The following TBC1D19 variants were observed in gnomAD, a reference collection of about 807,000 sequenced individuals.
TBC1D19 encodes the protein TBC1 domain family member 19, also known as TBC1 domain family, member 19.
A neutral mutation model predicts 89.0 loss-of-function variants in TBC1D19; 60 were observed. The observed-to-expected ratio is 0.67, with a 90% CI of 0.55 to 0.84. The LOEUF (loss-of-function observed/expected upper bound fraction) is 0.84. TBC1D19 is among the 40% of genes least tolerant of loss of function. The pLI is 0.00. For missense variants in TBC1D19, 500 were observed against 610.8 expected, an observed-to-expected ratio of 0.82 and a Z score of 1.91; for synonymous variants, 189 against 199.7, an observed-to-expected ratio of 0.95 and a Z score of 0.45.
At chr4:26,591,960 A>G (rs1414535204) in intron 1 of TBC1D19, among the ~76,000 whole-genome samples, 1 of 152,140 alleles carries the variant, frequency 6.6e-6, no homozygotes, top group Admixed American at 6.5e-5. Context: ...TCAATAGAAA[A>G]AGAGGGAATC....
At position 26,601,190 on chromosome 4, in the gene TBC1D19, CT is replaced by C. The variant is rs545807276; in HGVS notation, c.100-11978del. Reference sequence around the variant, plus strand: ...ACATATATAAGCAATAACTCTCCTTCTCCCCCACTCCCACCAACCTGTAGTA... The same window carrying C: ...ACATATATAAGCAATAACTCTCCTTCCCCCCACTCCCACCAACCTGTAGTA... On this transcript the variant is annotated intron_variant, in intron 1 of 20. Transcript: ENST00000264866. 2.2e-4 allele frequency among the ~76,000 whole-genome samples: 33 copies of C among 152,130 alleles called. 1 individual carries two copies. The East Asian group carries it at 4.4e-3, about 20-fold the overall frequency.
the TBC1D19 span, among the ~76,000 whole-genome samples, chr4:26,820,368 A>G: frequency 6.6e-6 from 1 of 152,142 alleles, no homozygotes; most frequent in Middle Eastern, 3.4e-3. Context: ...CCTGGACCCT[A>G]GCTTTTGGCA....
intron 1 of TBC1D19, among the ~76,000 whole-genome samples, chr4:26,610,216 C>CATA (rs1741276564): frequency 6.6e-6 from 1 of 151,668 alleles, no homozygotes; most frequent in Non-Finnish European, 1.5e-5. Context: ...CTTTTTAACC[C>CATA]ATAAGTATAT....
At chr4:26,838,457 G>A in the TBC1D19 span, among the ~76,000 whole-genome samples, 9 of 152,198 alleles carry the variant, frequency 5.9e-5, no homozygotes, top group East Asian at 1.3e-3. Context: ...CATGAAAAAC[G>A]GGAATAAAAG....
At chr4:26,819,801 C>A in the TBC1D19 span, among the ~76,000 whole-genome samples, 1 of 152,262 alleles carries the variant, frequency 6.6e-6, no homozygotes, top group East Asian at 1.9e-4. Flanking sequence ...TAGTCTCAGC[C>A]CTGGTCACCC....
chr4:26,592,926 T>C (rs1317942671), intron 1 of TBC1D19, among the ~76,000 whole-genome samples: 7 of 152,052 alleles, frequency 4.6e-5, no homozygotes, highest in Non-Finnish European at 1.0e-4. Context: ...AGGTAATTTA[T>C]AGATTCAATG....
At chr4:26,767,157 G>A in the TBC1D19 span, among the ~76,000 whole-genome samples, 1 of 152,106 alleles carries the variant, frequency 6.6e-6, no homozygotes, top group Non-Finnish European at 1.5e-5. Flanking sequence ...GTGACAGAGT[G>A]AGACTCTATT....
At chr4:26,594,195 A>G (rs1418096849) in intron 1 of TBC1D19, among the ~76,000 whole-genome samples, 1 of 152,186 alleles carries the variant, frequency 6.6e-6, no homozygotes, top group East Asian at 1.9e-4. Context: ...TTGTAGGGAC[A>G]TGGATGAAGC....
intron 15 of TBC1D19, among the ~76,000 whole-genome samples, chr4:26,721,103 C>T (rs1022504082): frequency 2.6e-5 from 4 of 151,938 alleles, no homozygotes; most frequent in Non-Finnish European, 4.4e-5. Context: ...TGCTGCTCTT[C>T]TCTTTTCTTA....
intron 7 of TBC1D19, among the ~76,000 whole-genome samples, chr4:26,650,049 T>G (rs1424646033): frequency 1.3e-5 from 2 of 152,208 alleles, no homozygotes; most frequent in East Asian, 1.9e-4. Flanking sequence ...AACTCATCAT[T>G]TTTTATGGCT....
the TBC1D19 span, among the ~76,000 whole-genome samples, chr4:26,835,152 G>A: frequency 2.0e-5 from 3 of 152,210 alleles, no homozygotes; most frequent in Non-Finnish European, 2.9e-5. Context: ...TGAATCCAAT[G>A]TAATCACCTG....
At chr4:26,682,717 AC>A (rs1430957318) in intron 11 of TBC1D19, among the ~76,000 whole-genome samples, 1 of 152,154 alleles carries the variant, frequency 6.6e-6, no homozygotes, top group Non-Finnish European at 1.5e-5. Flanking sequence ...CATAACTATT[AC>A]CCAGTTGATC....
chr4:26,588,566 G>C (rs1240004566), intron 1 of TBC1D19, among the ~76,000 whole-genome samples: 1 of 151,696 alleles, frequency 6.6e-6, no homozygotes, highest in East Asian at 1.9e-4. Context: ...TTCTTTCTAT[G>C]TACTGGTTTA....
intron 5 of TBC1D19, among the ~76,000 whole-genome samples, chr4:26,637,779 AATT>A (rs1743229404): frequency 2.6e-5 from 4 of 152,232 alleles, no homozygotes; most frequent in Admixed American, 2.6e-4. Context: ...GTGCTATAAT[AATT>A]ATTATAACAA....
chr4:26,800,941 C>G, the TBC1D19 span, among the ~76,000 whole-genome samples: 1 of 152,182 alleles, frequency 6.6e-6, no homozygotes, highest in African/African-American at 2.4e-5. Context: ...CAAAAAATTT[C>G]TCCCATTCTG....
In TBC1D19 at chr4:26,628,204, T is replaced by C. The variant is rs556382686; in HGVS notation, c.294+7516T>C. On this transcript the variant is annotated intron_variant, in intron 4 of 20. Coordinates refer to ENST00000264866, the MANE Select transcript of TBC1D19 (RefSeq NM_018317.4). ...CAAAGATCAGATAGTTGTAGATATG[T>C]GGCATTATTTCTGAGGGCCCTGTTC... Among the ~76,000 whole-genome samples the C allele has an allele frequency of 2.6e-5, 4 of 152,278 alleles. No individual in the cohort carries two copies. In the East Asian group the frequency reaches 7.7e-4, roughly 29 times the overall value.
the TBC1D19 span, among the ~76,000 whole-genome samples, chr4:26,801,802 C>T: frequency 0.02 from 3,014 of 152,100 alleles, 92 homozygotes; most frequent in African/African-American, 0.061. Context: ...ATGTGACCAA[C>T]GCATATGTGA....
chr4:26,770,706 A>G, the TBC1D19 span, among the ~76,000 whole-genome samples: 2 of 152,082 alleles, frequency 1.3e-5, no homozygotes, highest in Non-Finnish European at 2.9e-5. Flanking sequence ...TATAAAATAT[A>G]TTTTGGGCCA....
At chr4:26,762,358 C>A in the TBC1D19 span, among the ~76,000 whole-genome samples, 1 of 152,134 alleles carries the variant, frequency 6.6e-6, no homozygotes, top group African/African-American at 2.4e-5. Context: ...TTCAACTATT[C>A]TTTATCCTTA....
Sources: allele counts gnomAD v4.1 joint callset (sites outside exome capture counted in the v4.1 genomes callset), GRCh38; gene constraint gnomAD v4.1.1; transcripts MANE v1.5; gene names NCBI Gene and HGNC (gene_info 2026-07-23, HGNC 2026-07-21).